ZNF26: variants seen among roughly 807,000 people sequenced by gnomAD.
ZNF26 encodes the protein epididymis luminal protein 179.
In ZNF26, 32 loss-of-function variants were observed where a neutral mutation model predicts 54.9. The ratio of observed to expected loss-of-function variants is 0.58; its 90% CI spans 0.44 to 0.78. The LOEUF is 0.78. ZNF26 is among the 30% of genes least tolerant of loss of function. ZNF26 has a pLI of 0.00. For missense variants in ZNF26, 524 were observed against 634.0 expected (o/e 0.83, Z 1.86); for synonymous variants, 221 against 209.2 (o/e 1.06, Z -0.49).
chr12:132,987,817 T>C (rs2137202551), intron 1 of ZNF26: 1 of 789,988 alleles, frequency 1.3e-6, no homozygotes. Flanking sequence ...GGAGAAAGGC[T>C]GTTGTGCTAA....
Position 133,019,045 on chromosome 12 carries a change from C to T in ZNF26, c.*7564C>T, listed in dbSNP as rs7310221. On this transcript the variant is annotated 3_prime_UTR_variant, in exon 4 of 4. Coordinates refer to ENST00000328654, the MANE Select transcript of ZNF26 (RefSeq NM_019591.4). ...GTAAAGGATGGAAAAAGATATAAAA[C>T]GCAAACAGCAACCATAATAAATCTC... 0.92 allele frequency: 140,052 copies of T among 152,280 alleles called. 64,750 individuals carry two copies. Among genetic ancestry groups the T allele is most frequent in the East Asian group, 1 (5,183 of 5,190 alleles). The allele number at this position is 152,280 out of a possible 1,614,324, so 9.4% of individuals were successfully genotyped here. A position where few individuals can be genotyped will look rare whatever the true frequency, so the allele number is the denominator to read the frequency against.
At chr12:133,004,555 G>A (rs1953284346) in intron 1 of ZNF26, 1 of 152,030 alleles carries the variant, frequency 6.6e-6, no homozygotes, top group Non-Finnish European at 1.5e-5. Flanking sequence ...GCATAGTCAT[G>A]GCCAACTACA....
intron 1 of ZNF26, among the ~76,000 whole-genome samples, chr12:132,993,656 A>G (rs1428846255): frequency 6.6e-6 from 1 of 151,490 alleles, no homozygotes; most frequent in African/African-American, 2.4e-5. Context: ...GGGTTTCACC[A>G]TACTGGCCAG....
Position 133,011,384 on chromosome 12 carries a change from G to C in ZNF26, c.1505G>C (p.Arg502Thr). The change falls in exon 4 of 4, where the codon AGA becomes ACA. Residue 502 changes from arginine (R) to threonine (T), a missense_variant. Physicochemically the swap from Arg to Thr is moderately conservative, Grantham distance 71. Coordinates refer to ENST00000328654, the MANE Select transcript of ZNF26 (RefSeq NM_019591.4). ...TQKSSLSEHQ[R>T]VHTGEKPWKC... ...AAGTCATCTCTCAGTGAACATCAGA[G>C]AGTTCACACCGGAGAGAAACCATGG... The C allele has an allele frequency of 6.2e-7, 1 of 1,612,488 alleles. No homozygotes were observed. The highest frequency in any genetic ancestry group is 1.1e-5 in the South Asian group (1 of 90,614).
At chr12:132,986,993 C>G in intron 1 of ZNF26, 120 bp downstream of exon 1, 2 of 1,121,188 alleles carry the variant, frequency 1.8e-6, no homozygotes, top group Non-Finnish European at 2.6e-6. Context: ...GCGTAGTTTA[C>G]TAGACTACCC....
chr12:132,986,438 C>T lies in ZNF26; in HGVS notation c.-403C>T, dbSNP rs113123092. ...TAGACTCAGTGGACCGGAATCTGGCCAGCGGGTGTACCTGGCTGAGTCTCT... is the reference window on the plus strand; with the variant it reads ...TAGACTCAGTGGACCGGAATCTGGCTAGCGGGTGTACCTGGCTGAGTCTCT... On this transcript the variant is annotated 5_prime_UTR_variant, in exon 1 of 4. Coordinates refer to ENST00000328654, the MANE Select transcript of ZNF26 (RefSeq NM_019591.4). 3.3e-3 allele frequency: 690 copies of T among 206,944 alleles called. 2 individuals carry two copies. Among genetic ancestry groups the T allele is most frequent in the African/African-American group, 0.015 (648 of 43,420 alleles). The allele number at this position is 206,944 out of a possible 1,614,324, so 12.8% of individuals were successfully genotyped here.
intron 1 of ZNF26, among the ~76,000 whole-genome samples, chr12:132,993,908 T>G (rs1207550834): frequency 1.3e-5 from 2 of 152,166 alleles, no homozygotes; most frequent in African/African-American, 4.8e-5. Context: ...GGCCCCTGAT[T>G]AGGTCTGTCT....
At chr12:133,008,240 C>G (rs568357276) in intron 3 of ZNF26, among the ~76,000 whole-genome samples, 2 of 152,142 alleles carry the variant, frequency 1.3e-5, no homozygotes, top group South Asian at 2.1e-4. Context: ...GGATTTCCTT[C>G]TAAAATTACC....
rs1218013887 is a variant in ZNF26, at chr12:133,019,063, T to G, written c.*7582T>G. ...TATAAAACGCAAACAGCAACCATAA[T>G]AAATCTCCAGTGGCTTTCTAATATC... On this transcript the variant is annotated 3_prime_UTR_variant, in exon 4 of 4. Coordinates refer to ENST00000328654, the MANE Select transcript of ZNF26 (RefSeq NM_019591.4). 6.6e-6 allele frequency: 1 copy of G among 152,170 alleles called. No individual in the cohort carries two copies. Among genetic ancestry groups the G allele is most frequent in the Non-Finnish European group, 1.5e-5 (1 of 68,022 alleles). 9.4% of individuals were successfully genotyped at this position (152,170 alleles called of 1,614,324 possible). A position where few individuals can be genotyped will look rare whatever the true frequency, so the allele number is the denominator to read the frequency against.
chr12:132,986,608 C>T lies in ZNF26; in HGVS notation c.-233C>T. On this transcript the variant is annotated 5_prime_UTR_variant, in exon 1 of 4. Transcript: ENST00000328654. ...CCCGAGTCAGGGCCACGGAAAGGCACAAATCCATCCGTGCGACTCCTGGTA... is the reference window on the plus strand; with the variant it reads ...CCCGAGTCAGGGCCACGGAAAGGCATAAATCCATCCGTGCGACTCCTGGTA... 1.7e-6 allele frequency: 1 copy of T among 589,834 alleles called. No homozygotes were observed. Among genetic ancestry groups the T allele is most frequent in the Non-Finnish European group, 3.0e-6 (1 of 329,766 alleles). The allele number at this position is 589,834 out of a possible 1,614,324, so 36.5% of individuals were successfully genotyped here.
At chr12:133,002,399 C>T (rs1953237560) in intron 1 of ZNF26, among the ~76,000 whole-genome samples, 1 of 152,118 alleles carries the variant, frequency 6.6e-6, no homozygotes, top group African/African-American at 2.4e-5. Flanking sequence ...AACTGGTCTC[C>T]CCGGTATCTC....
intron 1 of ZNF26, among the ~76,000 whole-genome samples, chr12:132,993,853 T>C (rs1953018094): frequency 6.6e-6 from 1 of 152,204 alleles, no homozygotes; most frequent in Admixed American, 6.6e-5. Context: ...AATAGTACTT[T>C]ACTAATGTGG....
In ZNF26 at chr12:133,025,674, G is replaced by GCAATCC. The variant is rs1953694405; in HGVS notation, c.*14194_*14195insAATCCC. On this transcript the variant is annotated 3_prime_UTR_variant, in exon 4 of 4. Coordinates refer to ENST00000328654, the MANE Select transcript of ZNF26 (RefSeq NM_019591.4). ...CAGCAGAAATAGGCCAGGTGCAGTGGCTCATACCTGTAATCCCAGAGCTTC... is the reference window on the plus strand; with the variant it reads ...CAGCAGAAATAGGCCAGGTGCAGTGGCAATCCCTCATACCTGTAATCCCAGAGCTTC... 1 of 152,238 alleles carries GCAATCC rather than the reference G, an allele frequency of 6.6e-6. No individual in the cohort carries two copies. Among genetic ancestry groups the GCAATCC allele is most frequent in the South Asian group, 2.1e-4 (1 of 4,832 alleles). The allele number at this position is 152,238 out of a possible 1,614,324, so 9.4% of individuals were successfully genotyped here.
At position 133,017,891 on chromosome 12, in the gene ZNF26, C is replaced by T. The variant is rs1222133831; in HGVS notation, c.*6410C>T. ...GGGCGTGGTGGCGGGCGCCTGTAGT[C>T]CCAGCTACTCGGGAGGCTGAGGCAG... On this transcript the variant is annotated 3_prime_UTR_variant, in exon 4 of 4. Transcript: ENST00000328654. 1 of 152,190 alleles carries T rather than the reference C, an allele frequency of 6.6e-6. No individual in the cohort carries two copies. Among genetic ancestry groups the T allele is most frequent in the Non-Finnish European group, 1.5e-5 (1 of 68,084 alleles). The allele number at this position is 152,190 out of a possible 1,614,324, so 9.4% of individuals were successfully genotyped here.
Position 133,011,516 on chromosome 12 carries a change from T to C in ZNF26, c.*35T>C, listed in dbSNP as rs1343551725. 10 of 1,510,804 alleles carry C rather than the reference T, an allele frequency of 6.6e-6. No individual in the cohort carries two copies. The highest frequency in any genetic ancestry group is 1.4e-5 in the African/African-American group (1 of 71,588). 93.6% of individuals were successfully genotyped at this position (1,510,804 alleles called of 1,614,324 possible). A position where few individuals can be genotyped will look rare whatever the true frequency, so the allele number is the denominator to read the frequency against. On this transcript the variant is annotated 3_prime_UTR_variant, in exon 4 of 4. Coordinates refer to ENST00000328654, the MANE Select transcript of ZNF26 (RefSeq NM_019591.4). Reference sequence around the variant, plus strand: ...ATGATGCAATGTGAGAAACTGATGTTCAGGAGACTTCGGATAATATAGACA... The same window carrying C: ...ATGATGCAATGTGAGAAACTGATGTCCAGGAGACTTCGGATAATATAGACA...
At chr12:133,000,335 T>TC in intron 1 of ZNF26, among the ~76,000 whole-genome samples, 1 of 151,434 alleles carries the variant, frequency 6.6e-6, no homozygotes, top group East Asian at 1.9e-4. Context: ...CACTGCAGCC[T>TC]TCACCTCCTG....
At chr12:133,003,672 C>T (rs949189139) in intron 1 of ZNF26, among the ~76,000 whole-genome samples, 99 of 152,318 alleles carry the variant, frequency 6.5e-4, no homozygotes, top group Non-Finnish European at 7.3e-5. Flanking sequence ...TCTGTTCCTA[C>T]TTTCAAATCA....
At chr12:132,993,940 G>A (rs1038821036) in intron 1 of ZNF26, among the ~76,000 whole-genome samples, 3 of 152,106 alleles carry the variant, frequency 2.0e-5, no homozygotes, top group Non-Finnish European at 4.4e-5. Flanking sequence ...TGTTCTCCTG[G>A]ACTCTCAACC....
Position 133,026,196 on chromosome 12 carries a change from G to C in ZNF26, c.*14715G>C, listed in dbSNP as rs1953702879. ...GGCTCACTGCAGCCTCCTCCTACTG[G>C]GTTCAAGCAGTTCTCTGCCTCAGCC... On this transcript the variant is annotated 3_prime_UTR_variant, in exon 4 of 4. Transcript: ENST00000328654. 6.6e-6 allele frequency: 1 copy of C among 151,986 alleles called. No homozygotes were observed. Among genetic ancestry groups the C allele is most frequent in the Non-Finnish European group, 1.5e-5 (1 of 68,040 alleles). The allele number at this position is 151,986 out of a possible 1,614,324, so 9.4% of individuals were successfully genotyped here.
Sources: gnomAD v4.1 joint callset for allele counts (sites outside exome capture counted in the v4.1 genomes callset) on GRCh38, gnomAD v4.1.1 for gene constraint, MANE v1.5 for transcripts, NCBI Gene and HGNC (gene_info 2026-07-23, HGNC 2026-07-21) for gene names.